The following AGBL1 variants were observed in gnomAD, a reference collection of about 807,000 sequenced individuals.
The protein encoded by AGBL1 is AGBL carboxypeptidase 1.
AGBL1 carries 130 observed loss-of-function variants against 118.9 expected under a neutral mutation model. That is an observed-to-expected ratio of 1.09 (90% CI 0.95 to 1.26). The LOEUF (loss-of-function observed/expected upper bound fraction) is 1.26. Ranked by LOEUF, AGBL1 falls within the 50% of genes most tolerant of loss-of-function variation. The probability of loss-of-function intolerance (pLI) is 0.00; values close to 1 mark genes in which losing one functional copy is unlikely to be tolerated. For synonymous variants in AGBL1, 555 were observed against 478.9 expected (o/e 1.16, Z -2.08); for missense variants, 1,584 against 1,298.1 (o/e 1.22, Z -3.38).
intron 22 of AGBL1, among the ~76,000 whole-genome samples, chr15:86,811,414 T>C (rs147753805): frequency 6.7e-4 from 102 of 152,288 alleles, no homozygotes; most frequent in Middle Eastern, 3.4e-3. Context: ...TGACCGTGGT[T>C]CTTTTTGGAG....
Position 86,550,010 on chromosome 15 carries a change from G to A in AGBL1, c.2817+3877G>A, listed in dbSNP as rs1184543247. Among the ~76,000 whole-genome samples, 7 of 152,122 alleles carry A rather than the reference G, an allele frequency of 4.6e-5. No individual in the cohort carries two copies. The East Asian group carries it at 1.4e-3, about 29-fold the overall frequency. On this transcript the variant is annotated intron_variant, in intron 20 of 22. Transcript: ENST00000614907. ...AGATTTGAGATGGCAAGATAGTAGA[G>A]AATGAATCAGTAATTTGATGATTAA...
intron 18 of AGBL1, among the ~76,000 whole-genome samples, chr15:86,447,706 T>TA (rs1327137128): frequency 1.3e-5 from 2 of 152,172 alleles, no homozygotes; most frequent in African/African-American, 4.8e-5. Flanking sequence ...TAATAATACT[T>TA]ACTGAGTATC....
At chr15:86,731,214 G>T (rs2077523325) in intron 22 of AGBL1, among the ~76,000 whole-genome samples, 2 of 152,230 alleles carry the variant, frequency 1.3e-5, no homozygotes, top group East Asian at 3.9e-4. Flanking sequence ...AGCCTTTCTG[G>T]AATGATAGTA....
chr15:86,349,613 C>T (rs529315037), intron 17 of AGBL1, among the ~76,000 whole-genome samples: 32 of 152,284 alleles, frequency 2.1e-4, no homozygotes, highest in Non-Finnish European at 4.0e-4. Flanking sequence ...ATAAATGCTT[C>T]CTAAATAAAT....
At chr15:86,259,353 A>G (rs1302829574) in intron 9 of AGBL1, among the ~76,000 whole-genome samples, 4 of 152,174 alleles carry the variant, frequency 2.6e-5, no homozygotes, top group Non-Finnish European at 5.9e-5. Context: ...AAATTCCTTT[A>G]AGTTATAGTT....
intron 21 of AGBL1, among the ~76,000 whole-genome samples, chr15:86,659,832 C>G (rs766150367): frequency 6.6e-6 from 1 of 152,182 alleles, no homozygotes; most frequent in Non-Finnish European, 1.5e-5. Flanking sequence ...CCAGCTGTTC[C>G]CTCCTGAGCA....
chr15:86,753,359 C>A (rs1383015309), intron 22 of AGBL1, among the ~76,000 whole-genome samples: 1 of 150,814 alleles, frequency 6.6e-6, no homozygotes, highest in Non-Finnish European at 1.5e-5. Flanking sequence ...CAAGAGTAAC[C>A]TGGGGCAGGA....
intron 24 of AGBL1, chr15:86,988,380 G>T (rs1560778): frequency 0.83 from 194,513 of 235,516 alleles, 81,075 homozygotes; most frequent in South Asian, 0.94. Context: ...ATCCCTTTGT[G>T]GTTTTGTTAG....
intron 22 of AGBL1, among the ~76,000 whole-genome samples, chr15:86,853,290 A>C (rs983155657): frequency 2.0e-5 from 3 of 152,216 alleles, no homozygotes; most frequent in Non-Finnish European, 2.9e-5. Context: ...ATAGTTTCAC[A>C]CGTCTAATGC....
At chr15:86,334,788 A>G (rs2080333637) in intron 17 of AGBL1, among the ~76,000 whole-genome samples, 1 of 152,248 alleles carries the variant, frequency 6.6e-6, no homozygotes. Context: ...TAACCAAAAT[A>G]GCATGGTACA....
chr15:86,866,774 C>T (rs2079636737), intron 22 of AGBL1, among the ~76,000 whole-genome samples: 1 of 152,164 alleles, frequency 6.6e-6, no homozygotes. Context: ...ATTGCTTGAA[C>T]CTGGGAGGCA....
chr15:86,394,449 G>A (rs548826605), intron 17 of AGBL1, among the ~76,000 whole-genome samples: 41 of 152,110 alleles, frequency 2.7e-4, no homozygotes, highest in African/African-American at 9.6e-4. Context: ...AAGCACACAC[G>A]AATGCATGTC....
chr15:86,506,881 A>G (rs2082983775), intron 18 of AGBL1, among the ~76,000 whole-genome samples: 1 of 152,114 alleles, frequency 6.6e-6, no homozygotes, highest in African/African-American at 2.4e-5. Context: ...GAAAGCAGGT[A>G]TCATATCATG....
At chr15:86,401,934 CT>C (rs772553499) in intron 18 of AGBL1, among the ~76,000 whole-genome samples, 3 of 151,822 alleles carry the variant, frequency 2.0e-5, no homozygotes, top group African/African-American at 7.3e-5. Context: ...TATGTGGCCT[CT>C]TTTTTTGGTT....
chr15:86,248,798 G>A (rs1023817448), intron 7 of AGBL1, among the ~76,000 whole-genome samples: 5 of 152,186 alleles, frequency 3.3e-5, no homozygotes, highest in Admixed American at 3.3e-4. Flanking sequence ...ATATCGCACT[G>A]TGAAATCAAT....
At chr15:86,592,217 C>T (rs1033779735) in intron 21 of AGBL1, among the ~76,000 whole-genome samples, 12 of 152,100 alleles carry the variant, frequency 7.9e-5, no homozygotes, top group Admixed American at 3.9e-4. Flanking sequence ...TCTGGGGCCA[C>T]GTAAATGTCC....
chr15:86,522,683 C>T, intron 18 of AGBL1, 127 bp from the exon 19 acceptor site: 1 of 1,194,160 alleles, frequency 8.4e-7, no homozygotes. Context: ...GAAATTGATG[C>T]CAATTGGGAA....
At chr15:86,287,949 C>A (rs574989021) in intron 16 of AGBL1, among the ~76,000 whole-genome samples, 1 of 152,168 alleles carries the variant, frequency 6.6e-6, no homozygotes, top group African/African-American at 2.4e-5. Flanking sequence ...TCTGAAGAAT[C>A]CTGCATCCAC....
At chr15:86,223,673 C>T (rs940432187) in intron 5 of AGBL1, among the ~76,000 whole-genome samples, 6 of 152,114 alleles carry the variant, frequency 3.9e-5, no homozygotes, top group African/African-American at 1.2e-4. Context: ...TTTTGGTCTC[C>T]CTGAGTGGGG....
Sources: gnomAD v4.1 joint callset for allele counts (sites outside exome capture counted in the v4.1 genomes callset) on GRCh38, gnomAD v4.1.1 for gene constraint, MANE v1.5 for transcripts, NCBI Gene and HGNC (gene_info 2026-07-23, HGNC 2026-07-21) for gene names.